The following CDC42BPA variants were observed in gnomAD, a reference collection of about 807,000 sequenced individuals.
CDC42BPA encodes the protein CDC42 binding protein kinase alpha.
A neutral mutation model predicts 223.5 loss-of-function variants in CDC42BPA; 80 were observed. The ratio of observed to expected loss-of-function variants is 0.36; its 90% CI spans 0.30 to 0.43. The LOEUF is 0.43. CDC42BPA is among the 20% of genes least tolerant of loss of function. The pLI, the probability that CDC42BPA is intolerant of heterozygous loss-of-function variation, is 1.00. For missense variants in CDC42BPA, 1,743 were observed against 2,099.9 expected (o/e 0.83, Z 3.32); for synonymous variants, 694 against 718.6 (o/e 0.97, Z 0.55).
At chr1:227,201,158 T>G (rs1671687729) in intron 3 of CDC42BPA, among the ~76,000 whole-genome samples, 1 of 152,198 alleles carries the variant, frequency 6.6e-6, no homozygotes, top group Non-Finnish European at 1.5e-5. Context: ...GTTTAACCTT[T>G]TTTTTTGAGA....
chr1:227,197,438 G>A (rs1432535439), intron 4 of CDC42BPA, among the ~76,000 whole-genome samples: 3 of 152,094 alleles, frequency 2.0e-5, no homozygotes, highest in Middle Eastern at 3.4e-3. Context: ...CTCCAGTTAC[G>A]TCTTTAATTC....
intron 1 of CDC42BPA, among the ~76,000 whole-genome samples, chr1:227,260,588 G>C (rs1006274723): frequency 6.6e-6 from 1 of 151,094 alleles, no homozygotes; most frequent in African/African-American, 2.5e-5. Context: ...AGAGAGAGTG[G>C]AAAGGCAGAG....
chr1:227,284,213 T>C (rs1283532418), intron 1 of CDC42BPA, among the ~76,000 whole-genome samples: 1 of 152,216 alleles, frequency 6.6e-6, no homozygotes, highest in Non-Finnish European at 1.5e-5. Context: ...TTTGATATTT[T>C]ATAACTAAAA....
chr1:227,025,888 TA>T (rs1156808831), intron 31 of CDC42BPA, among the ~76,000 whole-genome samples, 166 bp downstream of exon 31: 1 of 152,100 alleles, frequency 6.6e-6, no homozygotes, highest in Non-Finnish European at 1.5e-5. Context: ...ATAAGGAAAT[TA>T]ACCAACTTTA....
intron 2 of CDC42BPA, among the ~76,000 whole-genome samples, chr1:227,216,619 A>G (rs1336247169): frequency 6.6e-6 from 1 of 152,194 alleles, no homozygotes; most frequent in Non-Finnish European, 1.5e-5. Flanking sequence ...TGCAAGTCAT[A>G]CTGATATTCA....
intron 21 of CDC42BPA, among the ~76,000 whole-genome samples, chr1:227,056,682 T>C (rs1427783411): frequency 6.6e-6 from 1 of 152,214 alleles, no homozygotes; most frequent in Non-Finnish European, 1.5e-5. Flanking sequence ...TGAGCTACCA[T>C]GCCTGGCCAA....
At chr1:227,187,686 C>CT (rs1279161509) in intron 5 of CDC42BPA, among the ~76,000 whole-genome samples, 3 of 81,950 alleles carry the variant, frequency 3.7e-5, no homozygotes, top group East Asian at 3.8e-4. Context: ...CCCACCCCCC[C>CT]CCCAAAAAAA....
intron 3 of CDC42BPA, among the ~76,000 whole-genome samples, chr1:227,203,408 T>A (rs369646317): frequency 2.0e-5 from 3 of 152,162 alleles, no homozygotes; most frequent in Non-Finnish European, 2.9e-5. Flanking sequence ...CTGGCCCCAG[T>A]TGTCAATGAA....
chr1:227,064,913 C>A (rs1017783015), intron 21 of CDC42BPA, among the ~76,000 whole-genome samples: 1 of 151,928 alleles, frequency 6.6e-6, no homozygotes, highest in Admixed American at 6.6e-5. Context: ...CTGGCTAACA[C>A]GGTGAAACCC....
At chr1:227,191,780 G>C (rs1000637291) in intron 5 of CDC42BPA, among the ~76,000 whole-genome samples, 2 of 151,878 alleles carry the variant, frequency 1.3e-5, no homozygotes, top group African/African-American at 4.8e-5. Flanking sequence ...TAGCACTTTC[G>C]TTTCTCATTC....
chr1:227,015,688 G>GAA (rs148877902), intron 34 of CDC42BPA, among the ~76,000 whole-genome samples: 62,709 of 150,412 alleles, frequency 0.42, 13,223 homozygotes, highest in Non-Finnish European at 0.46. Context: ...CTGGGAAGAA[G>GAA]GAAAAAAAAA....
Position 227,091,112 on chromosome 1 carries a change from C to T in CDC42BPA, c.2355+774G>A, listed in dbSNP as rs114222742. ...ATATGAATCAGCTGTTACAATTTCT[C>T]CAGGTTTGGCCTAATTGTCCCTGTT... is the stretch of plus-strand genomic sequence containing the variant. On this transcript the variant is annotated intron_variant, in intron 16 of 36. Transcript: ENST00000366766. 3.7e-3 allele frequency among the ~76,000 whole-genome samples: 561 copies of T among 152,240 alleles called. 3 individuals are homozygous for T. Among genetic ancestry groups the T allele is most frequent in the African/African-American group, 0.013 (542 of 41,548 alleles).
At chr1:227,060,717 C>CTTTTTTTTTTTTTTTT (rs59728048) in intron 21 of CDC42BPA, among the ~76,000 whole-genome samples, 1 of 95,452 alleles carries the variant, frequency 1.0e-5, no homozygotes, top group Non-Finnish European at 2.0e-5. Context: ...TAAATAGGTA[C>CTTTTTTTTTTTTTTTT]TTTTTTTTTT....
intron 4 of CDC42BPA, among the ~76,000 whole-genome samples, chr1:227,197,590 CT>C (rs34534815): frequency 1.3e-5 from 2 of 151,862 alleles, no homozygotes; most frequent in African/African-American, 4.8e-5. Flanking sequence ...ACAGTTCAGG[CT>C]TTTTTTGCTA....
intron 20 of CDC42BPA, among the ~76,000 whole-genome samples, chr1:227,071,468 C>T (rs1426876927): frequency 6.6e-6 from 1 of 151,662 alleles, no homozygotes; most frequent in Non-Finnish European, 1.5e-5. Flanking sequence ...TTAAGAAGTT[C>T]ATGTAATACA....
chr1:227,229,142 T>C (rs1168958026), intron 2 of CDC42BPA, among the ~76,000 whole-genome samples: 6 of 152,206 alleles, frequency 3.9e-5, no homozygotes, highest in African/African-American at 7.2e-5. Context: ...AAGAGTTTCA[T>C]AGTTTTATCT....
intron 21 of CDC42BPA, among the ~76,000 whole-genome samples, chr1:227,060,363 T>C (rs961939587): frequency 6.6e-6 from 1 of 152,196 alleles, no homozygotes; most frequent in African/African-American, 2.4e-5. Flanking sequence ...CGGCAATTTC[T>C]AACATTCAGT....
chr1:227,089,642 T>G (rs964295054), intron 16 of CDC42BPA, among the ~76,000 whole-genome samples: 27 of 142,222 alleles, frequency 1.9e-4, no homozygotes, highest in Non-Finnish European at 4.2e-4. Flanking sequence ...TTTTTTTTTT[T>G]TTTTTTTTTA....
chr1:227,290,596 A>T (rs907669164), intron 1 of CDC42BPA, among the ~76,000 whole-genome samples: 1 of 152,236 alleles, frequency 6.6e-6, no homozygotes, highest in Non-Finnish European at 1.5e-5. Context: ...ATAATCCAAG[A>T]TTCATATTGG....
Sources: allele counts gnomAD v4.1 joint callset (sites outside exome capture counted in the v4.1 genomes callset), GRCh38; gene constraint gnomAD v4.1.1; transcripts MANE v1.5; gene names NCBI Gene and HGNC (gene_info 2026-07-23, HGNC 2026-07-21).